Variants in SLCO3A1 observed in about 807,000 individuals in gnomAD.
SLCO3A1 encodes the protein solute carrier organic anion transporter family member 3A1.
SLCO3A1 carries 27 observed loss-of-function variants against 63.1 expected under a neutral mutation model. The observed-to-expected ratio is 0.43, with a 90% CI of 0.32 to 0.59. SLCO3A1 has a LOEUF of 0.59. Ranked by LOEUF, SLCO3A1 falls within the 20% of genes least tolerant of loss-of-function variation. The probability of loss-of-function intolerance (pLI) is 0.09; values close to 1 mark genes in which losing one functional copy is unlikely to be tolerated. For missense variants in SLCO3A1, 773 were observed against 945.8 expected, an observed-to-expected ratio of 0.82 and a Z score of 2.40; for synonymous variants, 473 against 409.9, an observed-to-expected ratio of 1.15 and a Z score of -1.86.
At chr15:91,857,683 A>C (rs533103094) in intron 1 of SLCO3A1, among the ~76,000 whole-genome samples, 1 of 152,226 alleles carries the variant, frequency 6.6e-6, no homozygotes, top group African/African-American at 2.4e-5. Flanking sequence ...AGACCCCCTA[A>C]AATGTTTTAA....
rs2048460669 is a variant in SLCO3A1, at chr15:92,163,074, C to T, written c.2072C>T (p.Thr691Ile). 2 of 1,553,892 alleles carry T rather than the reference C, an allele frequency of 1.3e-6. No homozygotes were observed. The highest frequency in any genetic ancestry group is 2.7e-5 in the African/African-American group (2 of 72,990). The change falls in exon 10 of 10, where the codon ACA becomes ATA. Residue 691 changes from threonine to isoleucine, a missense_variant. By Grantham distance (89) the Thr-to-Ile change is moderately conservative. Coordinates refer to ENST00000318445, the MANE Select transcript of SLCO3A1 (RefSeq NM_013272.4). Reference protein sequence around the residue: ...DPVPANQTHRTKFIYNLEDHE... With the variant: ...DPVPANQTHRIKFIYNLEDHE... Reference sequence around the variant, plus strand: ...GTGCCCGCAAACCAGACACATAGGACAAAGTTTATCTATAACCTGGAAGAC... The same window carrying T: ...GTGCCCGCAAACCAGACACATAGGATAAAGTTTATCTATAACCTGGAAGAC...
intron 7 of SLCO3A1, among the ~76,000 whole-genome samples, chr15:92,140,317 G>A (rs533004107): frequency 0.01 from 1,403 of 139,652 alleles, 32 homozygotes; most frequent in African/African-American, 0.037. Flanking sequence ...CTGAGTTCTA[G>A]TTTGATTGCA....
At position 91,889,220 on chromosome 15, in the gene SLCO3A1, T is replaced by G. The variant is rs1897808682; in HGVS notation, c.181-26773T>G. 3 of 1,246,364 alleles carry G rather than the reference T, an allele frequency of 2.4e-6. No homozygotes were observed. The South Asian group carries it at 3.7e-5, about 16-fold the overall frequency. 77.2% of individuals were successfully genotyped at this position (1,246,364 alleles called of 1,614,324 possible). Reference sequence around the variant, plus strand: ...CTTAGATGAATGTAAGTTCTAAAATTGTTGCCAGGAAAGGACTGTGGGTGG... The same window carrying G: ...CTTAGATGAATGTAAGTTCTAAAATGGTTGCCAGGAAAGGACTGTGGGTGG... On this transcript the variant is annotated intron_variant, in intron 1 of 9. Transcript: ENST00000318445.
chr15:92,090,274 C>T (rs2047455634), intron 2 of SLCO3A1, among the ~76,000 whole-genome samples: 1 of 152,180 alleles, frequency 6.6e-6, no homozygotes, highest in South Asian at 2.1e-4. Context: ...ATAGTAGATT[C>T]ACATGTCCAA....
At chr15:92,002,238 G>A (rs2046264437) in intron 2 of SLCO3A1, among the ~76,000 whole-genome samples, 1 of 152,128 alleles carries the variant, frequency 6.6e-6, no homozygotes, top group Non-Finnish European at 1.5e-5. Context: ...TATTACCGCA[G>A]GTGTTAATTG....
intron 8 of SLCO3A1, among the ~76,000 whole-genome samples, chr15:92,148,561 G>A (rs541517400): frequency 7.9e-5 from 12 of 152,282 alleles, no homozygotes; most frequent in African/African-American, 2.6e-4. Context: ...TGCTTGCAAG[G>A]CTGTGGCAAA....
rs992948573 is a variant in SLCO3A1, at chr15:92,033,487, C to T, written c.647-61394C>T. On this transcript the variant is annotated intron_variant, in intron 2 of 9. Transcript: ENST00000318445. The surrounding 1 kb of genome is among the most constrained non-coding windows in gnomAD (Gnocchi z 4.5). ...TGAAAACCTAAAGGGAACTAAATGC[C>T]GAGACGGTGGGCAAAGGAGAACGAG... 6.6e-6 allele frequency among the ~76,000 whole-genome samples: 1 copy of T among 152,108 alleles called. No individual in the cohort carries two copies. Among genetic ancestry groups the T allele is most frequent in the African/African-American group, 2.4e-5 (1 of 41,406 alleles).
At chr15:92,149,899 A>C (rs182600906) in intron 8 of SLCO3A1, 1 of 152,278 alleles carries the variant, frequency 6.6e-6, no homozygotes, top group African/African-American at 2.4e-5. Context: ...CAGTGCTTTC[A>C]AATGAAAGTG....
At chr15:91,921,336 A>G (rs903575006) in intron 2 of SLCO3A1, among the ~76,000 whole-genome samples, 10 of 152,288 alleles carry the variant, frequency 6.6e-5, no homozygotes, top group South Asian at 4.2e-4. Flanking sequence ...TAAAGGATCT[A>G]TCTCCAAATA....
At chr15:91,958,327 C>T (rs746614767) in intron 2 of SLCO3A1, among the ~76,000 whole-genome samples, 6 of 152,198 alleles carry the variant, frequency 3.9e-5, no homozygotes, top group Non-Finnish European at 5.9e-5. Flanking sequence ...CAGGATCAAC[C>T]GTACTTCATT....
At chr15:91,933,985 G>A (rs548265902) in intron 2 of SLCO3A1, among the ~76,000 whole-genome samples, 2 of 152,232 alleles carry the variant, frequency 1.3e-5, no homozygotes, top group South Asian at 4.1e-4. Flanking sequence ...GATGGTACTG[G>A]CTTTTCTTGC....
chr15:92,099,472 C>G (rs887762648), intron 3 of SLCO3A1, among the ~76,000 whole-genome samples: 69 of 151,938 alleles, frequency 4.5e-4, no homozygotes, highest in Non-Finnish European at 4.7e-4. Context: ...GTCCATATGG[C>G]ACAGGAAAAA....
intron 2 of SLCO3A1, among the ~76,000 whole-genome samples, chr15:91,935,729 G>C (rs1261561503): frequency 6.6e-6 from 1 of 152,220 alleles, no homozygotes; most frequent in Non-Finnish European, 1.5e-5. Context: ...CTGCGTTGCA[G>C]AGACTGAGTT....
rs561100586 is a variant in SLCO3A1, at chr15:92,165,734, G to T, written c.*2599G>T. On this transcript the variant is annotated 3_prime_UTR_variant, in exon 10 of 10. Transcript: ENST00000318445. ...CATATAGTACCGAACAGAAAACTCA[G>T]TCTAGTTTTAATTTGCCTTTTGTGC... 9 of 985,156 alleles carry T rather than the reference G, an allele frequency of 9.1e-6. No homozygotes were observed. The African/African-American group carries it at 1.4e-4, about 15-fold the overall frequency. 61.0% of individuals were successfully genotyped at this position (985,156 alleles called of 1,614,324 possible).
chr15:92,013,142 C>T (rs1000220717), intron 2 of SLCO3A1, among the ~76,000 whole-genome samples: 1 of 152,152 alleles, frequency 6.6e-6, no homozygotes, highest in African/African-American at 2.4e-5. Flanking sequence ...TGTGGCAGAC[C>T]TTGAAGCTAG....
At chr15:91,996,334 T>C (rs918335326) in intron 2 of SLCO3A1, among the ~76,000 whole-genome samples, 2 of 152,084 alleles carry the variant, frequency 1.3e-5, no homozygotes, top group African/African-American at 4.8e-5. Context: ...TTGAAAAGCA[T>C]AAAATAAGAT....
intron 4 of SLCO3A1, among the ~76,000 whole-genome samples, chr15:92,112,283 G>A (rs1261282636): frequency 3.3e-5 from 5 of 152,222 alleles, no homozygotes; most frequent in Admixed American, 3.3e-4. Context: ...CAGACTAGGG[G>A]CTGCTCCCAC....
At chr15:91,889,144 TA>T (rs1297577643) in intron 1 of SLCO3A1, 2 of 1,279,982 alleles carry the variant, frequency 1.6e-6, no homozygotes, top group East Asian at 1.1e-4. Flanking sequence ...GTTTTCTGCA[TA>T]AACTCTTATT....
chr15:92,171,145 G>A (rs1016120431), intron 10 of SLCO3A1: 1 of 152,238 alleles, frequency 6.6e-6, no homozygotes, highest in Non-Finnish European at 1.5e-5. Context: ...AGAGCTGCAT[G>A]TCACAATCAA....
Sources: gnomAD v4.1 joint callset for allele counts (sites outside exome capture counted in the v4.1 genomes callset) on GRCh38, gnomAD v4.1.1 for gene constraint, Gnocchi (gnomAD v3.1) non-coding constraint, MANE v1.5 for transcripts, NCBI Gene and HGNC (gene_info 2026-07-23, HGNC 2026-07-21) for gene names.